The following ECI1 variants were observed in gnomAD, a reference collection of about 807,000 sequenced individuals.
ECI1 encodes the protein enoyl-CoA delta isomerase 1, also known as enoyl-CoA delta isomerase 1, mitochondrial.
A neutral mutation model predicts 34.2 loss-of-function variants in ECI1; 34 were observed. That is an observed-to-expected ratio of 1.00 (90% CI 0.76 to 1.33). The LOEUF (loss-of-function observed/expected upper bound fraction) is 1.33, where lower values mean the gene tolerates loss of function less well. Ranked by LOEUF, ECI1 falls within the 40% of genes most tolerant of loss-of-function variation. The pLI is 0.00. For synonymous variants in ECI1, 211 were observed against 193.0 expected (o/e 1.09, Z -0.77); for missense variants, 456 against 422.2 (o/e 1.08, Z -0.70).
At chr16:2,242,875 GCGGTCTGGGCCACC>G (rs2093530909) in intron 6 of ECI1, 157 bp downstream of exon 6, 1 of 640,504 alleles carries the variant, frequency 1.6e-6, no homozygotes, top group Non-Finnish European at 2.8e-6. Flanking sequence ...ATGAGCTTCT[GCGGTCTGGGCCACC>G]CGGTCTGTGC....
At position 2,251,307 on chromosome 16, in the gene ECI1, C is replaced by A; in HGVS notation, c.166+9G>T. 8.4e-7 allele frequency: 1 copy of A among 1,190,372 alleles called. No individual in the cohort carries two copies. Among genetic ancestry groups the A allele is most frequent in the Non-Finnish European group, 1.0e-6 (1 of 955,378 alleles). 73.7% of individuals were successfully genotyped at this position (1,190,372 alleles called of 1,614,324 possible). On this transcript the variant is annotated intron_variant, in intron 2 of 6. Coordinates refer to ENST00000301729, the MANE Select transcript of ECI1 (RefSeq NM_001919.4). Reference sequence around the variant, plus strand: ...CCACGCCCGCCCTCCCTCGGCGCCGCCCGCTCACCTGCGCCCGCGTCCGGC... The same window carrying A: ...CCACGCCCGCCCTCCCTCGGCGCCGACCGCTCACCTGCGCCCGCGTCCGGC...
intron 6 of ECI1, 60 bp downstream of exon 6, chr16:2,242,986 G>A: frequency 4.5e-6 from 6 of 1,340,472 alleles, no homozygotes; most frequent in South Asian, 2.3e-5. Flanking sequence ...AAAACCTTTG[G>A]GTGGAGAACC....
intron 3 of ECI1, among the ~76,000 whole-genome samples, chr16:2,244,968 G>A (rs778623974): frequency 9.2e-5 from 14 of 152,198 alleles, no homozygotes; most frequent in Non-Finnish European, 1.5e-4. Context: ...AGGGACCCCC[G>A]TGTGGACCAG....
Position 2,243,079 on chromosome 16 carries a change from G to A in ECI1, c.709C>T (p.Leu237=), listed in dbSNP as rs542560149. The A allele has an allele frequency of 9.4e-5, 151 of 1,604,874 alleles. 2 individuals are homozygous for A. In the South Asian group the frequency reaches 1.5e-3, roughly 16 times the overall value. ...VPEEQVQSTA[L]SAIAQWMAIP... The stretch of plus-strand genomic sequence containing the variant: ...GCCATCCACTGGGCTATCGCTGACA[G>A]CGCAGTGCTCTGCACCTGCTCCTCC... The change falls in exon 6 of 7, where the codon CTG becomes TTG. Residue 237 remains leucine (L), a synonymous_variant. Coordinates refer to ENST00000301729, the MANE Select transcript of ECI1 (RefSeq NM_001919.4).
chr16:2,243,185 C>T lies in ECI1; in HGVS notation c.603G>A (p.Ala201=), dbSNP rs200320472. The T allele has an allele frequency of 3.1e-5, 50 of 1,609,640 alleles. No individual in the cohort carries two copies. The highest frequency in any genetic ancestry group is 1.5e-4 in the African/African-American group (11 of 75,060). The change falls in exon 6 of 7, where the codon GCG becomes GCA. Residue 201 remains alanine (A), a synonymous_variant. Transcript: ENST00000301729. ...GCCCCAGCTGCAGGGCACGCTCCGC[C>T]GCCCGGTGCCCGATGGTGTTCTCCA... The part of the protein sequence containing the change: ...DTLENTIGHR[A]AERALQLGLL...
intron 2 of ECI1, among the ~76,000 whole-genome samples, chr16:2,249,338 C>T (rs11645942): frequency 0.11 from 16,555 of 151,820 alleles, 1,163 homozygotes; most frequent in Middle Eastern, 0.16. Flanking sequence ...TGGGAGCCAC[C>T]GGGCCCGGAC....
intron 3 of ECI1, 91 bp from the exon 4 acceptor site, chr16:2,244,643 C>A: frequency 7.2e-7 from 1 of 1,383,646 alleles, no homozygotes; most frequent in South Asian, 1.3e-5. Context: ...GTGCACGACG[C>A]ACAGCAGGGC....
chr16:2,245,905 T>C (rs983409774), intron 3 of ECI1, among the ~76,000 whole-genome samples: 4 of 151,938 alleles, frequency 2.6e-5, no homozygotes, highest in Admixed American at 2.0e-4. Context: ...GCGGAGGTTG[T>C]AGTAAGCCAA....
intron 3 of ECI1, among the ~76,000 whole-genome samples, chr16:2,246,147 T>C (rs925730206): frequency 6.6e-6 from 1 of 152,188 alleles, no homozygotes; most frequent in East Asian, 1.9e-4. Flanking sequence ...GGCCTGACAC[T>C]GCTTACTGCC....
At chr16:2,249,248 AC>A (rs1272864369) in intron 2 of ECI1, among the ~76,000 whole-genome samples, 1 of 151,502 alleles carries the variant, frequency 6.6e-6, no homozygotes, top group African/African-American at 2.4e-5. Context: ...ATGGGGTTTC[AC>A]CGTGTTAGCC....
intron 6 of ECI1, chr16:2,240,881 G>C (rs978749510): frequency 6.6e-5 from 10 of 152,094 alleles, no homozygotes; most frequent in African/African-American, 2.4e-4. Flanking sequence ...TTTTAGTAGA[G>C]AAGGGGTTTC....
intron 3 of ECI1, among the ~76,000 whole-genome samples, chr16:2,245,421 G>A (rs992932301): frequency 6.6e-6 from 1 of 152,250 alleles, no homozygotes; most frequent in Non-Finnish European, 1.5e-5. Flanking sequence ...GGACAGATGG[G>A]ATGGCCTCCA....
Position 2,244,488 on chromosome 16 carries a change from T to C in ECI1, c.359A>G (p.His120Arg). 1 of 1,609,046 alleles carries C rather than the reference T, an allele frequency of 6.2e-7. No homozygotes were observed. Among genetic ancestry groups the C allele is most frequent in the Non-Finnish European group, 8.5e-7 (1 of 1,178,388 alleles). Reference sequence around the variant, plus strand: ...AACGGCCTTCCAGTACCCAGCGTAGTGGGCGGGGCTCCTCCCACACATCTC... The same window carrying C: ...AACGGCCTTCCAGTACCCAGCGTAGCGGGCGGGGCTCCTCCCACACATCTC... ...LTEMCGRSPAHYAGYWKAVQE... is the reference protein window; with the variant it reads ...LTEMCGRSPARYAGYWKAVQE... The change falls in exon 4 of 7, where the codon CAC (histidine) becomes CGC (arginine). Residue 120 changes from histidine to arginine, a missense_variant. By Grantham distance (29) the His-to-Arg change is conservative. Coordinates refer to ENST00000301729, the MANE Select transcript of ECI1 (RefSeq NM_001919.4).
intron 2 of ECI1, among the ~76,000 whole-genome samples, chr16:2,248,933 T>C (rs900419457): frequency 2.5e-4 from 38 of 152,204 alleles, no homozygotes; most frequent in African/African-American, 7.5e-4. Context: ...CCATATTCCA[T>C]ATCACTGGGA....
intron 4 of ECI1, 68 bp from the exon 5 acceptor site, chr16:2,243,507 C>T (rs1183847756): frequency 1.9e-6 from 3 of 1,593,164 alleles, no homozygotes; most frequent in African/African-American, 2.7e-5. Flanking sequence ...AGGGCCAGGT[C>T]CAAGGAAGGA....
chr16:2,246,768 C>G (rs1400607826), intron 3 of ECI1, 91 bp downstream of exon 3: 1 of 1,589,800 alleles, frequency 6.3e-7, no homozygotes, highest in Non-Finnish European at 8.6e-7. Context: ...TTGGCAGGCT[C>G]TGCCTCTTCC....
At chr16:2,244,315 G>A (rs1278472694) in intron 4 of ECI1, 91 bp downstream of exon 4, 2 of 1,446,480 alleles carry the variant, frequency 1.4e-6, no homozygotes, top group Non-Finnish European at 1.9e-6. Flanking sequence ...CTTCCCCTGT[G>A]AGAGATTCCA....
chr16:2,244,780 CA>C (rs1173765984), intron 3 of ECI1, among the ~76,000 whole-genome samples: 1 of 152,218 alleles, frequency 6.6e-6, no homozygotes, highest in Non-Finnish European at 1.5e-5. Context: ...TTTCCCGCTT[CA>C]AACTGGATAG....
rs1242757789 is a variant in ECI1, at chr16:2,246,756, C to T, written c.294+103G>A. ...GGGCTGCCGGCTGGCCTGTGCCACACGTTGGCAGGCTCTGCCTCTTCCATG... is the reference window on the plus strand; with the variant it reads ...GGGCTGCCGGCTGGCCTGTGCCACATGTTGGCAGGCTCTGCCTCTTCCATG... On this transcript the variant is annotated intron_variant, in intron 3 of 6. Transcript: ENST00000301729. 1.9e-5 allele frequency: 30 copies of T among 1,570,082 alleles called. No homozygotes were observed. The Admixed American group carries it at 2.3e-4, about 12-fold the overall frequency.
Sources: gnomAD v4.1 joint callset for allele counts (sites outside exome capture counted in the v4.1 genomes callset) on GRCh38, gnomAD v4.1.1 for gene constraint, MANE v1.5 for transcripts, NCBI Gene and HGNC (gene_info 2026-07-23, HGNC 2026-07-21) for gene names.